Variants in KLF8 observed in about 807,000 individuals in gnomAD.
KLF8 encodes the protein Krueppel-like factor 8.
A neutral mutation model predicts 18.2 loss-of-function variants in KLF8; 10 were observed. The observed-to-expected ratio is 0.55, with a 90% CI of 0.34 to 0.93. KLF8 has a LOEUF of 0.93. Among genes scored for constraint, KLF8 ranks in the 40% least tolerant of loss-of-function variants. The pLI is 0.02. For missense variants in KLF8, 264 were observed against 277.9 expected, an observed-to-expected ratio of 0.95 and a Z score of 0.36; for synonymous variants, 109 against 97.3, an observed-to-expected ratio of 1.12 and a Z score of -0.71.
the KLF8 span, among the ~76,000 whole-genome samples, chrX:56,172,811 G>A: frequency 8.9e-6 from 1 of 111,956 alleles, no homozygotes; most frequent in Admixed American, 9.5e-5. Flanking sequence ...ACTGGTGTGA[G>A]ATGGTATCTC....
chrX:55,936,447 G>A, the KLF8 span, among the ~76,000 whole-genome samples: 1 of 112,759 alleles, frequency 8.9e-6, no homozygotes, highest in African/African-American at 3.2e-5. Context: ...CTCCCAGTAT[G>A]AGCGATGCAG....
chrX:56,023,153 ATAT>A, the KLF8 span, among the ~76,000 whole-genome samples: 1 of 111,830 alleles, frequency 8.9e-6, no homozygotes, highest in Non-Finnish European at 1.9e-5. Context: ...AAAGTTTTGT[ATAT>A]TATTTAATTT....
the KLF8 span, among the ~76,000 whole-genome samples, chrX:56,030,411 G>A: frequency 8.9e-6 from 1 of 111,749 alleles, no homozygotes; most frequent in South Asian, 3.8e-4. Context: ...TAGCTGGTGG[G>A]AATCAGCCCA....
At chrX:56,014,251 A>G in the KLF8 span, among the ~76,000 whole-genome samples, 1 of 112,353 alleles carries the variant, frequency 8.9e-6, no homozygotes, top group Admixed American at 9.4e-5. Flanking sequence ...CAAATGTCTA[A>G]TATCCAAAAT....
chrX:56,240,623 C>T (rs1407107331), intron 1 of KLF8, among the ~76,000 whole-genome samples: 1 of 111,052 alleles, frequency 9.0e-6, no homozygotes, highest in Non-Finnish European at 1.9e-5. Flanking sequence ...ATACTCTGTA[C>T]ATATATTCAA....
the KLF8 span, among the ~76,000 whole-genome samples, chrX:56,106,757 T>A: frequency 1.8e-5 from 2 of 112,436 alleles, no homozygotes; most frequent in East Asian, 2.8e-4. Context: ...GTTCCATTGC[T>A]GGCAAGGAGC....
the KLF8 span, among the ~76,000 whole-genome samples, chrX:55,959,648 A>T: frequency 4.5e-5 from 5 of 112,043 alleles, no homozygotes; most frequent in Non-Finnish European, 9.4e-5. Flanking sequence ...CGAGGAAAAA[A>T]TCTCAGAGCT....
chrX:56,243,598 G>A (rs2066580796), intron 1 of KLF8, among the ~76,000 whole-genome samples: 1 of 91,739 alleles, frequency 1.1e-5, no homozygotes, highest in Non-Finnish European at 2.1e-5. Flanking sequence ...GTGCAATGGT[G>A]CGACCTCAGC....
the KLF8 span, among the ~76,000 whole-genome samples, chrX:56,102,800 T>G: frequency 9.0e-6 from 1 of 110,778 alleles, no homozygotes; most frequent in African/African-American, 3.3e-5. Flanking sequence ...TGTGCAAAAC[T>G]TGCAGGCTTG....
At chrX:56,058,959 C>G in the KLF8 span, among the ~76,000 whole-genome samples, 1 of 111,960 alleles carries the variant, frequency 8.9e-6, no homozygotes, top group East Asian at 2.8e-4. Context: ...CTAATTGCCA[C>G]TCCCACCAAC....
the KLF8 span, among the ~76,000 whole-genome samples, chrX:55,969,929 G>A: frequency 9.0e-6 from 1 of 111,100 alleles, no homozygotes; most frequent in Non-Finnish European, 1.9e-5. Context: ...TGAGATCAAA[G>A]CTGCATTTAA....
rs1456042756 is a variant in KLF8, at chrX:56,265,593, A to AT, written c.495_496insT (p.Val166CysfsTer6). ...TACATGTCATTCACACTATCCCCTC[A>AT]GTCAGTCTGCCAAATAAGATGGGTG... On this transcript the variant is annotated frameshift_variant, in exon 3 of 6. Transcript: ENST00000468660. LOFTEE classifies it high-confidence loss of function. 1 of 1,211,726 alleles carries AT rather than the reference A, an allele frequency of 8.3e-7. No individual in the cohort carries two copies. Among genetic ancestry groups the AT allele is most frequent in the South Asian group, 1.8e-5 (1 of 56,993 alleles).
At chrX:56,078,090 T>A in the KLF8 span, among the ~76,000 whole-genome samples, 1 of 110,594 alleles carries the variant, frequency 9.0e-6, no homozygotes, top group Non-Finnish European at 1.9e-5. Context: ...TCTGCAAACA[T>A]GGACTGTTTG....
At chrX:56,243,465 T>C (rs1489824718) in intron 1 of KLF8, 1 of 168,867 alleles carries the variant, frequency 5.9e-6, no homozygotes, top group Non-Finnish European at 1.1e-5. Flanking sequence ...TGGTGGTGGT[T>C]CTTATAATTT....
chrX:56,202,240 C>A, the KLF8 span, among the ~76,000 whole-genome samples: 4 of 109,348 alleles, frequency 3.7e-5, no homozygotes, highest in African/African-American at 1.3e-4. Flanking sequence ...GTCTTTTGAT[C>A]TGTCTTTTTG....
the KLF8 span, among the ~76,000 whole-genome samples, chrX:56,079,918 C>T: frequency 9.0e-6 from 1 of 111,153 alleles, no homozygotes; most frequent in African/African-American, 3.3e-5. Context: ...TTCTTTGTCT[C>T]TTTTGATCTT....
At chrX:55,962,922 C>A in the KLF8 span, among the ~76,000 whole-genome samples, 1 of 112,664 alleles carries the variant, frequency 8.9e-6, no homozygotes, top group Middle Eastern at 4.6e-3. Context: ...AGCACTGTGT[C>A]TGTCCTCCCA....
the KLF8 span, among the ~76,000 whole-genome samples, chrX:55,936,663 G>A: frequency 8.9e-5 from 10 of 112,566 alleles, no homozygotes; most frequent in East Asian, 2.3e-3. Context: ...CTGGAAAATC[G>A]GGTCACTCCC....
chrX:55,924,848 G>GTTT, the KLF8 span, among the ~76,000 whole-genome samples: 1 of 62,949 alleles, frequency 1.6e-5, no homozygotes, highest in Non-Finnish European at 3.2e-5. Flanking sequence ...TTTGTTTTTT[G>GTTT]CTTTTTTTTT....
Sources: gnomAD v4.1 joint callset for allele counts (sites outside exome capture counted in the v4.1 genomes callset) on GRCh38, gnomAD v4.1.1 for gene constraint, MANE v1.5 for transcripts, NCBI Gene and HGNC (gene_info 2026-07-23, HGNC 2026-07-21) for gene names.